SWT1: variants seen among roughly 807,000 people sequenced by gnomAD.
SWT1 encodes the protein transcriptional protein SWT1.
In SWT1, 33 loss-of-function variants were observed where a neutral mutation model predicts 107.3. That is an observed-to-expected ratio of 0.31 (90% CI 0.23 to 0.41). SWT1 has a LOEUF of 0.41. Among genes scored for constraint, SWT1 ranks in the 10% least tolerant of loss-of-function variants. SWT1 has a pLI of 1.00. For missense variants in SWT1, 898 were observed against 1,028.9 expected, an observed-to-expected ratio of 0.87 and a Z score of 1.74; for synonymous variants, 345 against 348.3, an observed-to-expected ratio of 0.99 and a Z score of 0.11.
At chr1:185,215,136 A>G (rs1438777004) in intron 14 of SWT1, among the ~76,000 whole-genome samples, 1 of 152,204 alleles carries the variant, frequency 6.6e-6, no homozygotes, top group Non-Finnish European at 1.5e-5. Flanking sequence ...GAGCAGTACA[A>G]AGAATTCCCA....
At chr1:185,283,278 G>T (rs1558102806) in intron 18 of SWT1, among the ~76,000 whole-genome samples, 1 of 152,192 alleles carries the variant, frequency 6.6e-6, no homozygotes, top group Non-Finnish European at 1.5e-5. Flanking sequence ...TTCAGCTGGT[G>T]TTTTCTCTTC....
chr1:185,204,932 A>G (rs1004743428), intron 12 of SWT1, 69 bp downstream of exon 12: 1 of 914,876 alleles, frequency 1.1e-6, no homozygotes, highest in Non-Finnish European at 1.6e-6. Flanking sequence ...CTTAAGAAAT[A>G]TTACTTGTAT....
chr1:185,174,189 A>G (rs1427291755), intron 4 of SWT1, among the ~76,000 whole-genome samples, 183 bp from the exon 5 acceptor site: 1 of 152,114 alleles, frequency 6.6e-6, no homozygotes, highest in Non-Finnish European at 1.5e-5. Flanking sequence ...TTTTTTTCCA[A>G]ATAGCAAACT....
intron 14 of SWT1, among the ~76,000 whole-genome samples, chr1:185,218,301 T>C (rs1659378834): frequency 6.6e-6 from 1 of 152,180 alleles, no homozygotes; most frequent in South Asian, 2.1e-4. Context: ...ACTAACTTTA[T>C]CATTTTCCAG....
chr1:185,205,193 C>T (rs946974650), intron 12 of SWT1, among the ~76,000 whole-genome samples: 1 of 152,076 alleles, frequency 6.6e-6, no homozygotes, highest in Non-Finnish European at 1.5e-5. Context: ...TAAGGAATCT[C>T]TCTAGCAATA....
At chr1:185,172,484 C>T (rs1466735522) in intron 4 of SWT1, among the ~76,000 whole-genome samples, 2 of 151,944 alleles carry the variant, frequency 1.3e-5, no homozygotes, top group Non-Finnish European at 2.9e-5. Flanking sequence ...TTACTTTGTA[C>T]CTGATTGTTT....
chr1:185,199,663 G>A (rs919423226), intron 10 of SWT1, among the ~76,000 whole-genome samples: 2 of 152,182 alleles, frequency 1.3e-5, no homozygotes, highest in African/African-American at 4.8e-5. Context: ...TTTTCTCTCC[G>A]ACTGCCCTTA....
intron 16 of SWT1, among the ~76,000 whole-genome samples, chr1:185,252,522 C>T (rs559565992): frequency 4.6e-5 from 7 of 152,362 alleles, no homozygotes; most frequent in South Asian, 2.1e-4. Context: ...TTGCATTTCT[C>T]TGATGGCCAG....
intron 10 of SWT1, among the ~76,000 whole-genome samples, chr1:185,192,471 A>G (rs1345065420): frequency 6.6e-6 from 1 of 152,088 alleles, no homozygotes; most frequent in African/African-American, 2.4e-5. Context: ...TTTTTTAGAA[A>G]CAGGGTCTGG....
At chr1:185,198,033 G>T (rs1366626153) in intron 10 of SWT1, among the ~76,000 whole-genome samples, 3 of 152,114 alleles carry the variant, frequency 2.0e-5, no homozygotes, top group South Asian at 2.1e-4. Context: ...TGATGTTAGG[G>T]TGTCAATTTT....
chr1:185,214,726 C>T (rs1439222256), intron 14 of SWT1, 71 bp downstream of exon 14: 2 of 1,266,932 alleles, frequency 1.6e-6, no homozygotes, highest in African/African-American at 3.0e-5. Context: ...TAGCAGACAA[C>T]AGTAGGTAAA....
chr1:185,274,399 T>C (rs1350349407), intron 17 of SWT1, among the ~76,000 whole-genome samples: 1 of 151,054 alleles, frequency 6.6e-6, no homozygotes, highest in African/African-American at 2.4e-5. Flanking sequence ...TCAAGCAATC[T>C]TCCTACCTCA....
chr1:185,166,522 A>T (rs748695100), intron 2 of SWT1, 50 bp from the exon 3 acceptor site: 2 of 1,210,766 alleles, frequency 1.7e-6, no homozygotes, highest in South Asian at 2.6e-5. Context: ...TGTTTATACT[A>T]TGCTTTATTT....
intron 9 of SWT1, among the ~76,000 whole-genome samples, chr1:185,185,937 T>C (rs1199239118): frequency 6.6e-6 from 1 of 152,176 alleles, no homozygotes; most frequent in Non-Finnish European, 1.5e-5. Flanking sequence ...ATTTTAGCCT[T>C]GTCCTTAACT....
At chr1:185,228,638 G>A (rs1362301007) in intron 15 of SWT1, among the ~76,000 whole-genome samples, 3 of 152,142 alleles carry the variant, frequency 2.0e-5, no homozygotes, top group Admixed American at 1.3e-4. Context: ...TGTATTTATT[G>A]TATTTTTTTC....
At chr1:185,255,236 C>T (rs2102665610) in intron 16 of SWT1, among the ~76,000 whole-genome samples, 1 of 151,630 alleles carries the variant, frequency 6.6e-6, no homozygotes, top group East Asian at 1.9e-4. Flanking sequence ...TGGTGTGGTG[C>T]TGAAAAAAAT....
chr1:185,221,527 A>G (rs1247895807), intron 14 of SWT1, among the ~76,000 whole-genome samples: 2 of 152,120 alleles, frequency 1.3e-5, no homozygotes, highest in Admixed American at 1.3e-4. Flanking sequence ...TTGTACCTCT[A>G]TACTTTGTAT....
chr1:185,211,408 A>G (rs573588866), intron 13 of SWT1, among the ~76,000 whole-genome samples: 1 of 152,116 alleles, frequency 6.6e-6, no homozygotes, highest in Non-Finnish European at 1.5e-5. Context: ...AACCATCCAA[A>G]TATCTATTTT....
At chr1:185,245,689 T>C (rs573760777) in intron 16 of SWT1, among the ~76,000 whole-genome samples, 1 of 152,294 alleles carries the variant, frequency 6.6e-6, no homozygotes, top group East Asian at 1.9e-4. Context: ...TAATGAGTTG[T>C]GCTAGTAGGA....
Sources: allele counts gnomAD v4.1 joint callset (sites outside exome capture counted in the v4.1 genomes callset), GRCh38; gene constraint gnomAD v4.1.1; transcripts MANE v1.5; gene names NCBI Gene and HGNC (gene_info 2026-07-23, HGNC 2026-07-21).